The following SLC7A1 variants were observed in gnomAD, a reference collection of about 807,000 sequenced individuals.
SLC7A1 encodes solute carrier family 7 member 1.
SLC7A1 carries 10 observed loss-of-function variants against 53.9 expected under a neutral mutation model. That is an observed-to-expected ratio of 0.19 (90% CI 0.11 to 0.31). SLC7A1 has a LOEUF of 0.31. SLC7A1 is among the 10% of genes least tolerant of loss of function. The pLI is 1.00. For synonymous variants in SLC7A1, 342 were observed against 338.7 expected (o/e 1.01, Z -0.11); for missense variants, 525 against 827.2 (o/e 0.63, Z 4.48).
At chr13:29,570,232 A>C (rs1046558038) in intron 1 of SLC7A1, among the ~76,000 whole-genome samples, 1 of 152,176 alleles carries the variant, frequency 6.6e-6, no homozygotes, top group Non-Finnish European at 1.5e-5. Flanking sequence ...ATGGAGGAGG[A>C]GGCCACGGCC....
At chr13:29,537,739 C>T (rs140656479) in intron 2 of SLC7A1, among the ~76,000 whole-genome samples, 1 of 152,316 alleles carries the variant, frequency 6.6e-6, no homozygotes, top group Non-Finnish European at 1.5e-5. Context: ...ACAGCATGTG[C>T]ACAGATATGC....
chr13:29,514,935 C>T (rs1042542945), intron 12 of SLC7A1, among the ~76,000 whole-genome samples: 35 of 152,190 alleles, frequency 2.3e-4, no homozygotes, highest in Non-Finnish European at 4.6e-4. Context: ...AGAATGTGCA[C>T]TATGGAGATG....
chr13:29,549,846 T>C (rs1031437293), intron 2 of SLC7A1, among the ~76,000 whole-genome samples: 11 of 152,208 alleles, frequency 7.2e-5, no homozygotes, highest in Admixed American at 2.0e-4. Context: ...TGTATTTTTT[T>C]AGTAGAGACG....
chr13:29,536,164 T>A lies in SLC7A1; in HGVS notation c.25A>T (p.Ile9Phe). ...TTCCGCCGCAGCATCTGCTGCCCAATGTTGAGCAGGACTTTGCACCCCATG... is the reference window on the plus strand; with the variant it reads ...TTCCGCCGCAGCATCTGCTGCCCAAAGTTGAGCAGGACTTTGCACCCCATG... MGCKVLLN[I>F]GQQMLRRKVV... Residue 9 changes from isoleucine to phenylalanine, a missense_variant, in exon 3 of 13, where the codon ATT (isoleucine) becomes TTT (phenylalanine). Coordinates refer to ENST00000380752, the MANE Select transcript of SLC7A1 (RefSeq NM_003045.5). The A allele has an allele frequency of 1.2e-6, 2 of 1,613,838 alleles. No homozygotes were observed. The highest frequency in any genetic ancestry group is 2.2e-5 in the South Asian group (2 of 91,060).
At chr13:29,571,659 C>G (rs1871197286) in intron 1 of SLC7A1, among the ~76,000 whole-genome samples, 1 of 152,222 alleles carries the variant, frequency 6.6e-6, no homozygotes, top group Non-Finnish European at 1.5e-5. Flanking sequence ...TTTACCTATT[C>G]CACCAGAGGG....
At chr13:29,595,080 C>T (rs1339893686) in intron 1 of SLC7A1, among the ~76,000 whole-genome samples, 4 of 152,166 alleles carry the variant, frequency 2.6e-5, no homozygotes, top group Non-Finnish European at 5.9e-5. Flanking sequence ...CCGTGCGTAG[C>T]GGCGCGCGGG....
intron 9 of SLC7A1, among the ~76,000 whole-genome samples, chr13:29,518,655 G>A (rs1256242933): frequency 6.6e-6 from 1 of 152,124 alleles, no homozygotes; most frequent in Non-Finnish European, 1.5e-5. Context: ...AAGAGCTTCT[G>A]CTAAGGCTCA....
chr13:29,591,704 G>C lies in SLC7A1; in HGVS notation c.-115+3712C>G, dbSNP rs151270466. Among the ~76,000 whole-genome samples the C allele has an allele frequency of 3.9e-5, 6 of 152,294 alleles. No homozygotes were observed. In the East Asian group the frequency reaches 1.2e-3, roughly 29 times the overall value. ...CCTCTGTGCCCCCAGAAAAGGGAGG[G>C]GGGCAAGGGGACAATCAGAAAAAAA... On this transcript the variant is annotated intron_variant, in intron 1 of 12. Coordinates refer to ENST00000380752, the MANE Select transcript of SLC7A1 (RefSeq NM_003045.5).
rs1182255605 is a variant in SLC7A1, at chr13:29,512,531, C to T, written c.*1949G>A. On this transcript the variant is annotated 3_prime_UTR_variant, in exon 13 of 13. Transcript: ENST00000380752. ...CTTTTCTTGGAGACTGTCTATCCCT[C>T]GAATTCTCTTTGCCTATGTAGAAAA... The T allele has an allele frequency of 1.3e-5, 2 of 152,138 alleles. No homozygotes were observed. The highest frequency in any genetic ancestry group is 2.9e-5 in the Non-Finnish European group (2 of 68,014). The allele number at this position is 152,138 out of a possible 1,614,324, so 9.4% of individuals were successfully genotyped here.
At chr13:29,522,156 G>C (rs979507276) in intron 8 of SLC7A1, among the ~76,000 whole-genome samples, 161 bp downstream of exon 8, 1 of 152,196 alleles carries the variant, frequency 6.6e-6, no homozygotes, top group African/African-American at 2.4e-5. Flanking sequence ...TTTGTCAAAA[G>C]GTCAGTCAAC....
At chr13:29,553,022 G>GCC (rs1293661349) in intron 2 of SLC7A1, among the ~76,000 whole-genome samples, 1 of 151,928 alleles carries the variant, frequency 6.6e-6, no homozygotes, top group Non-Finnish European at 1.5e-5. Context: ...AGCCTTGACC[G>GCC]CCCCCCTGCC....
chr13:29,582,311 G>C (rs970961189), intron 1 of SLC7A1, among the ~76,000 whole-genome samples: 3 of 152,162 alleles, frequency 2.0e-5, no homozygotes, highest in Admixed American at 6.5e-5. Context: ...CGCCTCTGCT[G>C]CCAAATTCAC....
At chr13:29,532,725 T>G in intron 4 of SLC7A1, 99 bp downstream of exon 4, 1 of 1,075,976 alleles carries the variant, frequency 9.3e-7, no homozygotes, top group Non-Finnish European at 1.3e-6. Flanking sequence ...ATGGGGGTTA[T>G]GGTTAAAGAG....
chr13:29,527,452 C>T (rs1176369341), intron 5 of SLC7A1, among the ~76,000 whole-genome samples: 1 of 144,874 alleles, frequency 6.9e-6, no homozygotes, highest in African/African-American at 2.6e-5. Flanking sequence ...GAGGCGCAAA[C>T]CAAAACGTAG....
Position 29,583,965 on chromosome 13 carries a change from G to C in SLC7A1, c.-115+11451C>G, listed in dbSNP as rs184698006. On this transcript the variant is annotated intron_variant, in intron 1 of 12. Coordinates refer to ENST00000380752, the MANE Select transcript of SLC7A1 (RefSeq NM_003045.5). The stretch of plus-strand genomic sequence containing the variant: ...AAAAACCTAGCTGCTGAAACTGTGA[G>C]GTTATAGATTTGTGGGGGAAGTGTG... Among the ~76,000 whole-genome samples the C allele has an allele frequency of 7.9e-5, 12 of 152,294 alleles. No individual in the cohort carries two copies. In the East Asian group the frequency reaches 1.9e-3, roughly 25 times the overall value.
intron 2 of SLC7A1, among the ~76,000 whole-genome samples, chr13:29,549,063 C>T (rs1257016539): frequency 6.6e-6 from 1 of 152,218 alleles, no homozygotes; most frequent in Non-Finnish European, 1.5e-5. Context: ...TGCCTGTCTT[C>T]AGTCTTCAAC....
In SLC7A1 at chr13:29,541,169, G is replaced by A. The variant is rs906548582; in HGVS notation, c.-14-4967C>T. 7.8e-4 allele frequency among the ~76,000 whole-genome samples: 119 copies of A among 152,304 alleles called. 1 individual carries two copies. The highest frequency in any genetic ancestry group is 1.0e-3 in the Non-Finnish European group (69 of 68,020). The stretch of plus-strand genomic sequence containing the variant: ...TCAAAGCAGGATCCACTTCCCCCCA[G>A]ATGTTAGGAGGCCCAGGTGCAAGAA... On this transcript the variant is annotated intron_variant, in intron 2 of 12. Transcript: ENST00000380752.
chr13:29,540,500 T>G (rs1274896792), intron 2 of SLC7A1, among the ~76,000 whole-genome samples: 2 of 152,228 alleles, frequency 1.3e-5, no homozygotes, highest in African/African-American at 4.8e-5. Context: ...TTATGTTCTA[T>G]TTTAAAGATT....
At chr13:29,543,481 CCA>C (rs1301293997) in intron 2 of SLC7A1, among the ~76,000 whole-genome samples, 1 of 152,234 alleles carries the variant, frequency 6.6e-6, no homozygotes, top group Non-Finnish European at 1.5e-5. Context: ...TGCCTCCCCG[CCA>C]CACGCTTCTG....
Sources: gnomAD v4.1 joint callset for allele counts (sites outside exome capture counted in the v4.1 genomes callset) on GRCh38, gnomAD v4.1.1 for gene constraint, MANE v1.5 for transcripts, NCBI Gene and HGNC (gene_info 2026-07-23, HGNC 2026-07-21) for gene names.